Variants in BFSP1 observed in about 807,000 individuals in gnomAD.
BFSP1 encodes the protein filensin.
A neutral mutation model predicts 43.9 loss-of-function variants in BFSP1; 38 were observed. That is an observed-to-expected ratio of 0.87 (90% CI 0.67 to 1.14). The LOEUF (loss-of-function observed/expected upper bound fraction) is 1.14, where lower values mean the gene tolerates loss of function less well. BFSP1 is among the 50% of genes most tolerant of loss of function. The pLI, the probability that BFSP1 is intolerant of heterozygous loss-of-function variation, is 0.00. For missense variants in BFSP1, 850 were observed against 875.1 expected (o/e 0.97, Z 0.36); for synonymous variants, 352 against 354.8 (o/e 0.99, Z 0.09).
chr20:17,497,622 A>G (rs1441451234), intron 6 of BFSP1, among the ~76,000 whole-genome samples: 1 of 147,914 alleles, frequency 6.8e-6, no homozygotes, highest in Non-Finnish European at 1.5e-5. Context: ...ATATACATAT[A>G]CACACACATA....
intron 1 of BFSP1, among the ~76,000 whole-genome samples, chr20:17,567,215 C>T (rs2035129425): frequency 1.3e-5 from 2 of 152,114 alleles, no homozygotes; most frequent in Non-Finnish European, 2.9e-5. Flanking sequence ...AATGGGGGCT[C>T]ATCTTAAGTT....
upstream of BFSP1, among the ~76,000 whole-genome samples, chr20:17,532,125 C>T (rs1052633778): frequency 3.3e-5 from 5 of 152,110 alleles, no homozygotes; most frequent in African/African-American, 1.2e-4. Flanking sequence ...AGAGCCCCAC[C>T]CATGGGCCTG....
At chr20:17,527,004 C>T (rs2034436825) in intron 1 of BFSP1, among the ~76,000 whole-genome samples, 1 of 152,182 alleles carries the variant, frequency 6.6e-6, no homozygotes, top group African/African-American at 2.4e-5. Context: ...GGGTTCAAGT[C>T]AAGTATTCTG....
At chr20:17,517,930 G>C (rs1333608425) in intron 2 of BFSP1, among the ~76,000 whole-genome samples, 1 of 152,160 alleles carries the variant, frequency 6.6e-6, no homozygotes, top group Non-Finnish European at 1.5e-5. Context: ...CCAGGTTTCT[G>C]CTGCAGGGTG....
intron 1 of BFSP1, among the ~76,000 whole-genome samples, chr20:17,553,030 T>G (rs893052726): frequency 1.3e-5 from 2 of 152,056 alleles, no homozygotes; most frequent in African/African-American, 2.4e-5. Flanking sequence ...AGAGAAGAAG[T>G]CTAAGAACTT....
chr20:17,537,503 C>G (rs1600672184), intron 1 of BFSP1, among the ~76,000 whole-genome samples: 1 of 147,238 alleles, frequency 6.8e-6, no homozygotes, highest in South Asian at 2.1e-4. Context: ...GATTCAAACA[C>G]TATCAAAGAG....
chr20:17,498,090 G>A (rs2033699357), intron 6 of BFSP1, among the ~76,000 whole-genome samples: 4 of 152,314 alleles, frequency 2.6e-5, no homozygotes, highest in South Asian at 2.1e-4. Flanking sequence ...CACCCAGCGC[G>A]AAGGGAAGAG....
exon 1 of BFSP1, chr20:17,558,790 G>C (rs2035037257): frequency 6.6e-7 from 1 of 1,524,334 alleles, no homozygotes. Context: ...GCCTACCCAG[G>C]ACTCCAAAAC....
intron 2 of BFSP1, among the ~76,000 whole-genome samples, chr20:17,521,990 A>G (rs1038278746): frequency 2.6e-5 from 4 of 152,078 alleles, no homozygotes; most frequent in African/African-American, 7.2e-5. Context: ...GACTATACTG[A>G]TGTGGGCCAT....
chr20:17,530,920 C>A (rs1380558050), intron 1 of BFSP1, 33 bp downstream of exon 1: 3 of 1,376,684 alleles, frequency 2.2e-6, no homozygotes, highest in Admixed American at 3.4e-5. Flanking sequence ...GGCCCACGCC[C>A]TGCCTCGGTT....
chr20:17,516,795 C>T (rs1335588402), intron 2 of BFSP1: 1 of 508,578 alleles, frequency 2.0e-6, no homozygotes, highest in Admixed American at 3.2e-5. Context: ...TATCTTAAAA[C>T]ATTTCCTTCC....
chr20:17,547,334 T>C (rs1466794688), intron 1 of BFSP1, among the ~76,000 whole-genome samples: 2 of 152,168 alleles, frequency 1.3e-5, no homozygotes, highest in African/African-American at 4.8e-5. Flanking sequence ...CTTCCGAAGC[T>C]GCTTCCTGCT....
chr20:17,558,883 G>A (rs1458407679), exon 1 of BFSP1: 2 of 662,470 alleles, frequency 3.0e-6, no homozygotes, highest in Non-Finnish European at 4.8e-6. Flanking sequence ...CTGGCTCAAG[G>A]GGTGGGAGGG....
chr20:17,513,018 C>G (rs745777006), intron 3 of BFSP1, among the ~76,000 whole-genome samples: 1 of 152,188 alleles, frequency 6.6e-6, no homozygotes, highest in African/African-American at 2.4e-5. Context: ...GTCATCTTGT[C>G]CAGGAAGCTA....
chr20:17,553,880 TATATAC>T lies in BFSP1; in HGVS notation c.2+4802_2+4807del, dbSNP rs1380840527. Among the ~76,000 whole-genome samples, 565 of 134,362 alleles carry T rather than the reference TATATAC, an allele frequency of 4.2e-3. 7 individuals are homozygous for T. The highest frequency in any genetic ancestry group is 9.1e-3 in the East Asian group (44 of 4,812). The allele number at this position is 134,362 out of a possible 152,430, so 88.1% of individuals were successfully genotyped here. On this transcript the variant is annotated intron_variant, in intron 1 of 7. Transcript: ENST00000377868. ...ATATACACATATATATACATATATA[TATATAC>T]ACACATATATATTTCTGATGGCAAG...
intron 1 of BFSP1, among the ~76,000 whole-genome samples, chr20:17,553,606 T>C (rs1025987225): frequency 6.6e-6 from 1 of 151,582 alleles, no homozygotes; most frequent in African/African-American, 2.4e-5. Context: ...TGCTGATAAG[T>C]GCTTCAAAAA....
rs2034353083 is a variant in BFSP1, at chr20:17,523,228, T to TA, written c.438+1619dup. Among the ~76,000 whole-genome samples, 9 of 152,314 alleles carry TA rather than the reference T, an allele frequency of 5.9e-5. No individual in the cohort carries two copies. In the South Asian group the frequency reaches 1.9e-3, roughly 32 times the overall value. Reference sequence around the variant, plus strand: ...CAACAGAAAGTTTAAGCTTGTTTTTTAAATTCACTGTCATTTTCCATCAAG... The same window carrying TA: ...CAACAGAAAGTTTAAGCTTGTTTTTTAAAATTCACTGTCATTTTCCATCAAG... On this transcript the variant is annotated intron_variant, in intron 2 of 7. Coordinates refer to ENST00000377873, the MANE Select transcript of BFSP1 (RefSeq NM_001195.5).
chr20:17,514,572 A>G, intron 3 of BFSP1, 149 bp downstream of exon 3: 1 of 730,882 alleles, frequency 1.4e-6, no homozygotes, highest in Non-Finnish European at 2.4e-6. Context: ...AGCACTGTCC[A>G]GTGACCAATT....
At chr20:17,522,068 A>G (rs1322097359) in intron 2 of BFSP1, among the ~76,000 whole-genome samples, 1 of 152,220 alleles carries the variant, frequency 6.6e-6, no homozygotes, top group African/African-American at 2.4e-5. Context: ...GACCACTGGC[A>G]TGGCCCAAGG....
Sources: allele counts gnomAD v4.1 joint callset (sites outside exome capture counted in the v4.1 genomes callset), GRCh38; gene constraint gnomAD v4.1.1; transcripts MANE v1.5; gene names NCBI Gene and HGNC (gene_info 2026-07-23, HGNC 2026-07-21).